The following C7 variants were observed in gnomAD, a reference collection of about 807,000 sequenced individuals.
C7 encodes complement C7.
Under a neutral mutation model 104.8 loss-of-function variants are expected in C7, and 83 were observed. The observed-to-expected ratio is 0.79, with a 90% CI of 0.66 to 0.95. The LOEUF (loss-of-function observed/expected upper bound fraction) is 0.95, where lower values mean the gene tolerates loss of function less well. Among genes scored for constraint, C7 ranks in the 40% least tolerant of loss-of-function variants. The probability of loss-of-function intolerance (pLI) is 0.00; values close to 1 mark genes in which losing one functional copy is unlikely to be tolerated. For missense variants in C7, 1,070 were observed against 1,011.2 expected (o/e 1.06, Z -0.79); for synonymous variants, 415 against 360.6 (o/e 1.15, Z -1.71).
chr5:40,968,199 C>T (rs2089114354), intron 14 of C7, among the ~76,000 whole-genome samples: 1 of 151,660 alleles, frequency 6.6e-6, no homozygotes, highest in South Asian at 2.1e-4. Flanking sequence ...GATCTCGGCT[C>T]ACTGCAACCT....
chr5:40,952,134 C>A (rs976484699), intron 9 of C7, among the ~76,000 whole-genome samples: 4 of 152,210 alleles, frequency 2.6e-5, no homozygotes, highest in Admixed American at 6.5e-5. Context: ...TATTTTATTT[C>A]ACATTTAACA....
At position 40,964,836 on chromosome 5, in the gene C7, A is replaced by C; in HGVS notation, c.1845A>C (p.Glu615Asp). 6.2e-7 allele frequency: 1 copy of C among 1,613,860 alleles called. No homozygotes were observed. Among genetic ancestry groups the C allele is most frequent in the East Asian group, 2.2e-5 (1 of 44,884 alleles). ...LIGNPVARCG[E>D]DLRWLVGEMH... ...GAAACCCAGTGGCCAGATGTGGAGA[A>C]GATTTACGGTGGCTTGTTGGGGAAA... The change falls in exon 14 of 18, where the codon GAA becomes GAC. Residue 615 changes from glutamate (E) to aspartate (D), a missense_variant. Glu to Asp is a conservative substitution (Grantham distance 45). Transcript: ENST00000313164.
At chr5:40,916,607 T>C (rs1739323447) in intron 1 of C7, among the ~76,000 whole-genome samples, 1 of 152,194 alleles carries the variant, frequency 6.6e-6, no homozygotes, top group African/African-American at 2.4e-5. Context: ...CTACTGAGTA[T>C]TTTCAATTTG....
intron 16 of C7, among the ~76,000 whole-genome samples, chr5:40,978,582 A>G (rs1157972712): frequency 2.0e-5 from 3 of 152,230 alleles, no homozygotes; most frequent in African/African-American, 4.8e-5. Context: ...GAAAAGATAG[A>G]TTCAAAACAA....
At chr5:40,954,053 A>G (rs2034490) in intron 9 of C7, among the ~76,000 whole-genome samples, 17,753 of 152,130 alleles carry the variant, frequency 0.12, 2,332 homozygotes, top group African/African-American at 0.33. Flanking sequence ...TTACAAATGG[A>G]GATAAAGTAT....
intron 15 of C7, among the ~76,000 whole-genome samples, chr5:40,975,440 T>C (rs1033430275): frequency 6.7e-6 from 1 of 150,228 alleles, no homozygotes; most frequent in African/African-American, 2.4e-5. Flanking sequence ...CTTGGTTCAC[T>C]GCAACCTCCA....
intron 9 of C7, among the ~76,000 whole-genome samples, chr5:40,953,402 G>T (rs1219434111): frequency 6.6e-6 from 1 of 152,104 alleles, no homozygotes; most frequent in Non-Finnish European, 1.5e-5. Context: ...CAGCACTTTG[G>T]CAGGCTGAGG....
At chr5:40,939,830 A>G (rs1739897797) in intron 6 of C7, among the ~76,000 whole-genome samples, 1 of 152,224 alleles carries the variant, frequency 6.6e-6, no homozygotes, top group South Asian at 2.1e-4. Context: ...AAGAGGGATA[A>G]TTTATTAACA....
chr5:40,942,334 A>C (rs931623371), intron 6 of C7, among the ~76,000 whole-genome samples: 4 of 152,204 alleles, frequency 2.6e-5, no homozygotes, highest in Admixed American at 1.3e-4. Context: ...GCTGTAGGAG[A>C]GGGAACAATC....
chr5:40,934,052 T>G (rs79353775), intron 3 of C7, among the ~76,000 whole-genome samples: 2,117 of 151,284 alleles, frequency 0.014, 35 homozygotes, highest in Non-Finnish European at 0.019. Flanking sequence ...TAACATCATT[T>G]TTTTTTTTTT....
At chr5:40,965,650 T>A (rs866254607) in intron 14 of C7, among the ~76,000 whole-genome samples, 4 of 109,022 alleles carry the variant, frequency 3.7e-5, no homozygotes, top group African/African-American at 1.7e-4. Context: ...ATATATATAT[T>A]TTTTTTTTGG....
chr5:40,964,189 T>C (rs1395244858), intron 13 of C7, among the ~76,000 whole-genome samples: 1 of 151,492 alleles, frequency 6.6e-6, no homozygotes, highest in African/African-American at 2.4e-5. Flanking sequence ...ACTACAGGCA[T>C]GCACCACCAT....
chr5:40,960,884 T>A (rs894365853), intron 12 of C7, among the ~76,000 whole-genome samples: 3 of 152,190 alleles, frequency 2.0e-5, no homozygotes, highest in Non-Finnish European at 4.4e-5. Context: ...GATGTCATCA[T>A]TATCATTATC....
At chr5:40,955,925 T>G (rs1028803844) in intron 10 of C7, among the ~76,000 whole-genome samples, 4 of 152,164 alleles carry the variant, frequency 2.6e-5, no homozygotes, top group African/African-American at 9.7e-5. Context: ...ATCACCTTTC[T>G]TTGTGTGGCC....
chr5:40,926,846 T>C (rs1739564496), intron 1 of C7, among the ~76,000 whole-genome samples: 1 of 151,624 alleles, frequency 6.6e-6, no homozygotes, highest in Admixed American at 6.6e-5. Flanking sequence ...AGAGTTTTAA[T>C]GCAATCTTTA....
At chr5:40,963,759 C>T (rs912223724) in intron 13 of C7, among the ~76,000 whole-genome samples, 2 of 152,120 alleles carry the variant, frequency 1.3e-5, no homozygotes, top group African/African-American at 4.8e-5. Flanking sequence ...TTCCACCTTG[C>T]TTCGCCATGA....
At position 40,965,969 on chromosome 5, in the gene C7, A is replaced by G. The variant is rs191582004; in HGVS notation, c.1882+1096A>G. ...ATTTTTATATTTTTTCTAATGACTAATAATGTTAAGCTTGTTTTCATATGT... is the reference window on the plus strand; with the variant it reads ...ATTTTTATATTTTTTCTAATGACTAGTAATGTTAAGCTTGTTTTCATATGT... On this transcript the variant is annotated intron_variant, in intron 14 of 17. Transcript: ENST00000313164. Among the ~76,000 whole-genome samples the G allele has an allele frequency of 8.2e-4, 124 of 152,058 alleles. 1 individual carries two copies. In the East Asian group the frequency reaches 0.022, roughly 27 times the overall value.
chr5:40,936,273 G>T, intron 4 of C7, 65 bp from the exon 5 acceptor site: 2 of 1,495,526 alleles, frequency 1.3e-6, no homozygotes, highest in South Asian at 1.2e-5. Flanking sequence ...AACCCTTTTT[G>T]GTCCTGGGTA....
chr5:40,916,201 T>C (rs189964395), intron 1 of C7, among the ~76,000 whole-genome samples: 1 of 152,322 alleles, frequency 6.6e-6, no homozygotes, highest in Admixed American at 6.5e-5. Context: ...CTAGATTTTG[T>C]TTTTCAATGC....
Sources: allele counts gnomAD v4.1 joint callset (sites outside exome capture counted in the v4.1 genomes callset), GRCh38; gene constraint gnomAD v4.1.1; transcripts MANE v1.5; gene names NCBI Gene and HGNC (gene_info 2026-07-23, HGNC 2026-07-21).